Variants in INO80 observed in about 807,000 individuals in gnomAD.
INO80 encodes chromatin-remodeling ATPase INO80.
In INO80, 20 loss-of-function variants were observed where a neutral mutation model predicts 203.4. The ratio of observed to expected loss-of-function variants is 0.10; its 90% CI spans 0.07 to 0.14. The LOEUF (loss-of-function observed/expected upper bound fraction) is 0.14, where lower values mean the gene tolerates loss of function less well. Among genes scored for constraint, INO80 ranks in the 10% least tolerant of loss-of-function variants. The pLI is 1.00. For missense variants in INO80, 1,419 were observed against 1,914.4 expected (o/e 0.74, Z 4.83); for synonymous variants, 726 against 685.2 (o/e 1.06, Z -0.93).
At chr15:41,074,837 C>T (rs1217125478) in intron 9 of INO80, among the ~76,000 whole-genome samples, 7 of 152,122 alleles carry the variant, frequency 4.6e-5, no homozygotes, top group South Asian at 2.1e-4. Flanking sequence ...CTCCGCCTCC[C>T]GGGTTCAAGC....
intron 14 of INO80, among the ~76,000 whole-genome samples, chr15:41,066,353 G>C (rs909397174): frequency 6.6e-6 from 1 of 151,874 alleles, no homozygotes; most frequent in Admixed American, 6.6e-5. Context: ...TAGAGACAAG[G>C]TCTACGTTGG....
chr15:40,980,168 G>T lies in INO80; in HGVS notation c.*55C>A. On this transcript the variant is annotated 3_prime_UTR_variant, in exon 36 of 36. Coordinates refer to ENST00000648947, the MANE Select transcript of INO80 (RefSeq NM_017553.3). Reference sequence around the variant, plus strand: ...GGGGCAAGCCATCCAAAGACCACTGGCAGGTCAGGACTCTAGCCCTGGTTT... The same window carrying T: ...GGGGCAAGCCATCCAAAGACCACTGTCAGGTCAGGACTCTAGCCCTGGTTT... 7.1e-7 allele frequency: 1 copy of T among 1,398,810 alleles called. No individual in the cohort carries two copies. The highest frequency in any genetic ancestry group is 1.0e-6 in the Non-Finnish European group (1 of 986,642). 86.6% of individuals were successfully genotyped at this position (1,398,810 alleles called of 1,614,324 possible).
At position 41,070,551 on chromosome 15, in the gene INO80, G is replaced by A. The variant is rs1220504032; in HGVS notation, c.1606-4C>T. On this transcript the variant is annotated splice_region_variant and splice_polypyrimidine_tract_variant and intron_variant, in intron 12 of 35. Coordinates refer to ENST00000648947, the MANE Select transcript of INO80 (RefSeq NM_017553.3). ...CAGCAAGAATGCCATTAATACCCTG[G>A]GGAAAAAAAATACATGGTCAACACC... The A allele has an allele frequency of 6.2e-7, 1 of 1,611,904 alleles. No individual in the cohort carries two copies. The highest frequency in any genetic ancestry group is 1.3e-5 in the African/African-American group (1 of 74,878).
At chr15:41,046,242 TA>T in intron 23 of INO80, among the ~76,000 whole-genome samples, 1 of 60,184 alleles carries the variant, frequency 1.7e-5, no homozygotes, top group African/African-American at 4.9e-5. Flanking sequence ...TATATATATA[TA>T]TATATATATA....
rs1485948920 is a variant in INO80 at position 40,990,466 on chromosome 15, T to TC, written c.3571-2493dup. Among the ~76,000 whole-genome samples, 9 of 152,284 alleles carry TC rather than the reference T, an allele frequency of 5.9e-5. No individual in the cohort carries two copies. In the South Asian group the frequency reaches 1.7e-3, roughly 28 times the overall value. On this transcript the variant is annotated intron_variant, in intron 29 of 35. Coordinates refer to ENST00000648947, the MANE Select transcript of INO80 (RefSeq NM_017553.3). ...GCCCCAAACTCCTGGGCTCAAGCAA[T>TC]CCTACCATCTCAGCTTCCCAAAGTG...
At chr15:41,057,988 C>A (rs1239061960) in intron 16 of INO80, among the ~76,000 whole-genome samples, 1 of 151,972 alleles carries the variant, frequency 6.6e-6, no homozygotes, top group Non-Finnish European at 1.5e-5. Flanking sequence ...TTTGGGACCT[C>A]AAAGGTATTG....
intron 27 of INO80, among the ~76,000 whole-genome samples, chr15:41,012,800 C>T (rs2140452312): frequency 6.6e-6 from 1 of 152,126 alleles, no homozygotes; most frequent in East Asian, 1.9e-4. Context: ...AGAAATACTA[C>T]TATTTGGATG....
intron 28 of INO80, among the ~76,000 whole-genome samples, chr15:40,999,739 G>A (rs904890392): frequency 1.3e-5 from 2 of 152,198 alleles, no homozygotes; most frequent in African/African-American, 4.8e-5. Context: ...GATATGGGAT[G>A]ATGTAAATGG....
At position 41,116,228 on chromosome 15, in the gene INO80, A is replaced by T. The variant is rs2046034907; in HGVS notation, c.-299T>A. On this transcript the variant is annotated 5_prime_UTR_variant, in exon 1 of 36. Coordinates refer to ENST00000648947, the MANE Select transcript of INO80 (RefSeq NM_017553.3). ...GCGGCGGCCACTTTCACTCACTGAG[A>T]GGAGCGGAGCAGGGACACGGGGAGC... The T allele has an allele frequency of 4.9e-6, 2 of 404,188 alleles. No homozygotes were observed. The highest frequency in any genetic ancestry group is 8.7e-6 in the Non-Finnish European group (2 of 231,126). The allele number at this position is 404,188 out of a possible 1,614,324, so 25.0% of individuals were successfully genotyped here. A position where few individuals can be genotyped will look rare whatever the true frequency, so the allele number is the denominator to read the frequency against.
At chr15:41,080,904 A>T in intron 8 of INO80, 116 bp downstream of exon 8, 1 of 710,396 alleles carries the variant, frequency 1.4e-6, no homozygotes, top group Non-Finnish European at 2.5e-6. Context: ...TCTCTTACGA[A>T]CTATTAGATT....
At chr15:41,071,196 T>C (rs1005317547) in intron 12 of INO80, among the ~76,000 whole-genome samples, 10 of 152,208 alleles carry the variant, frequency 6.6e-5, no homozygotes, top group African/African-American at 2.2e-4. Flanking sequence ...GAGACATCCT[T>C]CTGCCTCTTG....
intron 24 of INO80, among the ~76,000 whole-genome samples, chr15:41,040,815 G>GA (rs1160674467): frequency 2.0e-5 from 3 of 151,366 alleles, no homozygotes; most frequent in Non-Finnish European, 4.4e-5. Flanking sequence ...AGGTACCACT[G>GA]AAAATGAGAA....
At chr15:41,022,771 T>C (rs920229265) in intron 25 of INO80, among the ~76,000 whole-genome samples, 13 of 152,144 alleles carry the variant, frequency 8.5e-5, no homozygotes, top group African/African-American at 2.9e-4. Flanking sequence ...ATCCAAACAA[T>C]ACTAGAATCT....
intron 27 of INO80, among the ~76,000 whole-genome samples, chr15:41,015,650 T>G (rs990102711): frequency 6.6e-6 from 1 of 151,540 alleles, no homozygotes; most frequent in Non-Finnish European, 1.5e-5. Flanking sequence ...AAAGGAGTTT[T>G]GGGGGCTGCG....
At position 40,992,377 on chromosome 15, in the gene INO80, TA is replaced by T. The variant is rs776853689; in HGVS notation, c.3571-4404del. 1.8e-4 allele frequency among the ~76,000 whole-genome samples: 28 copies of T among 152,314 alleles called. No individual in the cohort carries two copies. In the East Asian group the frequency reaches 4.6e-3, roughly 25 times the overall value. Reference sequence around the variant, plus strand: ...TCAGGAAGCATATACAGTGACACAGTAAAAGGCAGCTGCCATACATCATTTG... The same window carrying T: ...TCAGGAAGCATATACAGTGACACAGTAAAGGCAGCTGCCATACATCATTTG... On this transcript the variant is annotated intron_variant, in intron 29 of 35. Transcript: ENST00000648947.
intron 4 of INO80, among the ~76,000 whole-genome samples, chr15:41,094,578 T>G (rs917334150): frequency 6.6e-6 from 1 of 152,164 alleles, no homozygotes; most frequent in South Asian, 2.1e-4. Flanking sequence ...TGCACATGGA[T>G]GCACTAAATC....
At chr15:41,094,114 T>C (rs778832709) in intron 4 of INO80, among the ~76,000 whole-genome samples, 18 of 152,174 alleles carry the variant, frequency 1.2e-4, no homozygotes, top group Non-Finnish European at 2.4e-4. Flanking sequence ...AGAAATACTA[T>C]CCTTAATTCA....
At position 41,030,734 on chromosome 15, in the gene INO80, G is replaced by T. The variant is rs187826916; in HGVS notation, c.2908-2998C>A. Among the ~76,000 whole-genome samples the T allele has an allele frequency of 2.7e-3, 410 of 152,098 alleles. 3 individuals carry two copies. The highest frequency in any genetic ancestry group is 0.013 in the South Asian group (62 of 4,818). On this transcript the variant is annotated intron_variant, in intron 24 of 35. Coordinates refer to ENST00000648947, the MANE Select transcript of INO80 (RefSeq NM_017553.3). Reference sequence around the variant, plus strand: ...CTGTAGCCCAGGCTGGAGTACAGTGGTGTGATCTTATCTCACTGCAGCCTC... The same window carrying T: ...CTGTAGCCCAGGCTGGAGTACAGTGTTGTGATCTTATCTCACTGCAGCCTC...
Position 40,980,067 on chromosome 15 carries a change from T to TA in INO80, c.*155_*156insT. ...CCTGATGAGACACAGATGATAAAAG[T>TA]GCTCACACCATCCACCTGCCTGTCC... On this transcript the variant is annotated 3_prime_UTR_variant, in exon 36 of 36. Coordinates refer to ENST00000648947, the MANE Select transcript of INO80 (RefSeq NM_017553.3). The TA allele has an allele frequency of 1.5e-6, 1 of 661,364 alleles. No homozygotes were observed. The highest frequency in any genetic ancestry group is 2.7e-6 in the Non-Finnish European group (1 of 376,368). 41.0% of individuals were successfully genotyped at this position (661,364 alleles called of 1,614,324 possible). A position where few individuals can be genotyped will look rare whatever the true frequency, so the allele number is the denominator to read the frequency against.
Sources: allele counts gnomAD v4.1 joint callset (sites outside exome capture counted in the v4.1 genomes callset), GRCh38; gene constraint gnomAD v4.1.1; transcripts MANE v1.5; gene names NCBI Gene and HGNC (gene_info 2026-07-23, HGNC 2026-07-21).